Variants in AARS2 observed in about 807,000 individuals in gnomAD.
AARS2 encodes alanine--tRNA ligase, mitochondrial.
Under a neutral mutation model 119.7 loss-of-function variants are expected in AARS2, and 78 were observed. The ratio of observed to expected loss-of-function variants is 0.65; its 90% confidence interval spans 0.54 to 0.79. AARS2 has a LOEUF of 0.79. AARS2 is among the 30% of genes least tolerant of loss of function. The probability of loss-of-function intolerance (pLI) is 0.00; values close to 1 mark genes in which losing one functional copy is unlikely to be tolerated. For synonymous variants in AARS2, 502 were observed against 526.3 expected (o/e 0.95, Z 0.63); for missense variants, 1,157 against 1,291.3 (o/e 0.90, Z 1.59).
chr6:44,312,065 G>A lies in AARS2; in HGVS notation c.435+7C>T. The A allele has an allele frequency of 6.2e-7, 1 of 1,613,734 alleles. No homozygotes were observed. The highest frequency in any genetic ancestry group is 1.7e-4 in the Middle Eastern group (1 of 6,060). ...TCTTGGCTGATCACTGATCCCCAGA[G>A]ACTCACCTTAAAATATTCACCCCCA... On this transcript the variant is annotated splice_region_variant and intron_variant, in intron 2 of 21. Transcript: ENST00000244571.
At position 44,304,256 on chromosome 6, in the gene AARS2, C is replaced by A. The variant is rs1364715823; in HGVS notation, c.1932G>T (p.Gln644His). ...ATHLLNWALR[Q>H]TLGPGTEQQG... ...GCTGCTCTGTGCCAGGGCCCAGGGT[C>A]TGCCTCAGTGCCCAGTTCAGCAGGT... is the stretch of plus-strand genomic sequence containing the variant. Residue 644 changes from glutamine to histidine, a missense_variant, in exon 14 of 22, where the codon CAG (glutamine) becomes CAT (histidine). Gln to His is a conservative substitution (Grantham distance 24). Transcript: ENST00000244571. 6.2e-7 allele frequency: 1 copy of A among 1,614,078 alleles called. No homozygotes were observed. Among genetic ancestry groups the A allele is most frequent in the Non-Finnish European group, 8.5e-7 (1 of 1,180,030 alleles).
At chr6:44,309,634 C>T (rs2153356579) in intron 5 of AARS2, among the ~76,000 whole-genome samples, 1 of 152,304 alleles carries the variant, frequency 6.6e-6, no homozygotes, top group Middle Eastern at 3.4e-3. Context: ...CCAAACCTCT[C>T]TCTTCCCCAA....
At position 44,301,418 on chromosome 6, in the gene AARS2, G is replaced by A. The variant is rs1282463501; in HGVS notation, c.2645C>T (p.Pro882Leu). ...QELLERHSKG[P>L]LIVDTVSAES... ...AGCAGAGACTGTGTCCACAATCAGA[G>A]GCCCCTTCGAGTGCCGCTCCAGCAG... The change falls in exon 20 of 22, where the codon CCT (proline) becomes CTT (leucine). Residue 882 changes from proline (P) to leucine (L), a missense_variant. Coordinates refer to ENST00000244571, the MANE Select transcript of AARS2 (RefSeq NM_020745.4). The A allele has an allele frequency of 3.1e-6, 5 of 1,613,986 alleles. No individual in the cohort carries two copies. Among genetic ancestry groups the A allele is most frequent in the Non-Finnish European group, 4.2e-6 (5 of 1,180,040 alleles).
In AARS2 at chr6:44,304,598, G is replaced by C. The variant is rs772619980; in HGVS notation, c.1752+47C>G. 1.9e-6 allele frequency: 3 copies of C among 1,614,024 alleles called. No individual in the cohort carries two copies. The African/African-American group carries it at 4.0e-5, about 22-fold the overall frequency. ...CTCCCCTTGGCTCCCACTCAGGCTT[G>C]GGTCTGCCGCCCACAGAAATCAGCC... On this transcript the variant is annotated intron_variant, in intron 12 of 21. Transcript: ENST00000244571.
Position 44,304,766 on chromosome 6 carries a change from G to C in AARS2, c.1631C>G (p.Thr544Arg), listed in dbSNP as rs774895404. 2.5e-6 allele frequency: 4 copies of C among 1,614,100 alleles called. No homozygotes were observed. Among genetic ancestry groups the C allele is most frequent in the Non-Finnish European group, 3.4e-6 (4 of 1,180,036 alleles). The change falls in exon 12 of 22, where the codon ACA becomes AGA. Residue 544 changes from threonine (T) to arginine (R), a missense_variant. Coordinates refer to ENST00000244571, the MANE Select transcript of AARS2 (RefSeq NM_020745.4). The stretch of plus-strand genomic sequence containing the variant: ...GCCTTTCCCCACGGAGGCCACTGCT[G>C]TCCCGTCCTCTGTATACAGTTGCAA... The part of the protein sequence containing the change: ...QVLQLYTEDG[T>R]AVASVGKGQR...
In AARS2 at chr6:44,312,225, G is replaced by A. The variant is rs772173298; in HGVS notation, c.282C>T (p.Ser94=). 5 of 1,614,000 alleles carry A rather than the reference G, an allele frequency of 3.1e-6. No homozygotes were observed. Among genetic ancestry groups the A allele is most frequent in the South Asian group, 2.2e-5 (2 of 91,076 alleles). ...PIFLGTVDPR[S]EMAGFRRVAN... ...CCACACGTCGGAAGCCTGCCATCTC[G>A]CTTCGTGGATCCACGGTGCCCAGAA... Residue 94 remains serine, a synonymous_variant, in exon 2 of 22, where the codon AGC becomes AGT. Coordinates refer to ENST00000244571, the MANE Select transcript of AARS2 (RefSeq NM_020745.4).
intron 5 of AARS2, among the ~76,000 whole-genome samples, chr6:44,309,742 T>C (rs1437858563): frequency 6.6e-6 from 1 of 152,110 alleles, no homozygotes; most frequent in Non-Finnish European, 1.5e-5. Flanking sequence ...CCCCATCTAA[T>C]CCATCAGTAC....
Position 44,302,119 on chromosome 6 carries a change from T to A in AARS2, c.2539A>T (p.Thr847Ser). The A allele has an allele frequency of 6.2e-7, 1 of 1,613,654 alleles. No individual in the cohort carries two copies. Among genetic ancestry groups the A allele is most frequent in the Non-Finnish European group, 8.5e-7 (1 of 1,180,006 alleles). Residue 847 changes from threonine to serine, a missense_variant, in exon 19 of 22, where the codon ACA becomes TCA. Coordinates refer to ENST00000244571, the MANE Select transcript of AARS2 (RefSeq NM_020745.4). ...GCACGCCGCTGCAGCATCTTCACTG[T>A]GGCCAGCAGCTCCCGCCGCTGCCAC... ...PQWQRRELLATVKMLQRRANT... is the reference protein window; with the variant it reads ...PQWQRRELLASVKMLQRRANT...
At chr6:44,310,190 G>T in intron 5 of AARS2, 109 bp downstream of exon 5, 1 of 1,425,810 alleles carries the variant, frequency 7.0e-7, no homozygotes, top group Non-Finnish European at 9.7e-7. Flanking sequence ...GTTGGTTATT[G>T]TCCTCAGATG....
In AARS2 at chr6:44,305,332, C is replaced by T. The variant is rs1221676903; in HGVS notation, c.1435-134G>A. ...GCCCTTCTGGAATAAGAACTCAGGG[C>T]TTGGCTGGCTGCTAGAGCCCCTGAG... On this transcript the variant is annotated intron_variant, in intron 10 of 21. Coordinates refer to ENST00000244571, the MANE Select transcript of AARS2 (RefSeq NM_020745.4). The surrounding 1 kb of genome is among the most constrained non-coding windows in gnomAD (Gnocchi z 4.6). The T allele has an allele frequency of 7.1e-7, 1 of 1,405,858 alleles. No individual in the cohort carries two copies. Among genetic ancestry groups the T allele is most frequent in the Non-Finnish European group, 9.8e-7 (1 of 1,019,742 alleles). 87.1% of individuals were successfully genotyped at this position (1,405,858 alleles called of 1,614,324 possible). A position where few individuals can be genotyped will look rare whatever the true frequency, so the allele number is the denominator to read the frequency against.
Position 44,313,336 on chromosome 6 carries a change from C to T in AARS2, c.-13G>A. On this transcript the variant is annotated 5_prime_UTR_variant, in exon 1 of 22. Transcript: ENST00000244571. The stretch of plus-strand genomic sequence containing the variant: ...CTGACGCTGCCATCGTAGCTCCGGG[C>T]AGTGACTTTACGTGGTCAAAGAGTG... 1 of 1,598,498 alleles carries T rather than the reference C, an allele frequency of 6.3e-7. No individual in the cohort carries two copies. The highest frequency in any genetic ancestry group is 2.2e-5 in the East Asian group (1 of 44,790).
chr6:44,302,332 G>A, intron 18 of AARS2, 59 bp downstream of exon 18: 2 of 1,613,656 alleles, frequency 1.2e-6, no homozygotes, highest in Non-Finnish European at 8.5e-7. Context: ...AGGAGTCCAG[G>A]GAGGAATAGG....
At chr6:44,311,619 G>A in intron 2 of AARS2, 84 bp from the exon 3 acceptor site, 2 of 1,505,608 alleles carry the variant, frequency 1.3e-6, no homozygotes, top group South Asian at 2.3e-5. Flanking sequence ...CATGAGTTTA[G>A]CTCCCGACTT....
Position 44,307,436 on chromosome 6 carries a change from G to T in AARS2, c.895-42C>A. On this transcript the variant is annotated intron_variant, in intron 5 of 21. Transcript: ENST00000244571. The surrounding 1 kb of genome is among the most constrained non-coding windows in gnomAD (Gnocchi z 4.4). ...TCAGCCAGTGGCCCTGCCTGACCTG[G>T]CCCAGGTGGGTGCTCTTTATCGCCT... The T allele has an allele frequency of 6.4e-7, 1 of 1,564,720 alleles. No homozygotes were observed. The highest frequency in any genetic ancestry group is 8.6e-7 in the Non-Finnish European group (1 of 1,158,490).
Position 44,310,422 on chromosome 6 carries a change from C to A in AARS2, c.771G>T (p.Gln257His), listed in dbSNP as rs1254933472. Residue 257 changes from glutamine to histidine, a missense_variant, in exon 5 of 22, where the codon CAG (glutamine) becomes CAT (histidine). Coordinates refer to ENST00000244571, the MANE Select transcript of AARS2 (RefSeq NM_020745.4). ...QHNREADGSL[Q>H]PLPQRHVDTG... ...TGTCCACATGCCGCTGGGGCAGGGG[C>A]TGCAGGCTTCCATCTGCCTCTCTGG... 1.2e-6 allele frequency: 2 copies of A among 1,613,902 alleles called. No individual in the cohort carries two copies. Among genetic ancestry groups the A allele is most frequent in the African/African-American group, 1.3e-5 (1 of 75,054 alleles).
At chr6:44,301,572 C>T in intron 19 of AARS2, 108 bp from the exon 20 acceptor site, 2 of 1,106,720 alleles carry the variant, frequency 1.8e-6, no homozygotes, top group Middle Eastern at 2.8e-4. Flanking sequence ...CTTCCCCCAC[C>T]CACCCCAAAA....
rs751373717 is a variant in AARS2 at position 44,311,104 on chromosome 6, C to T, written c.639G>A (p.Gly213=). The change falls in exon 4 of 22, where the codon GGG becomes GGA. Residue 213 remains glycine (G), a synonymous_variant. Coordinates refer to ENST00000244571, the MANE Select transcript of AARS2 (RefSeq NM_020745.4). The stretch of plus-strand genomic sequence containing the variant: ...TACAGGGCCCACAAGGGCCAGTATC[C>T]CCCATCTCCCAGAAGTTCTCTTGTG... ...FGPQENFWEM[G]DTGPCGPCTE... 6.2e-6 allele frequency: 10 copies of T among 1,614,088 alleles called. No individual in the cohort carries two copies. Among genetic ancestry groups the T allele is most frequent in the Non-Finnish European group, 8.5e-6 (10 of 1,180,034 alleles).
chr6:44,304,397 G>C (rs758716506), intron 13 of AARS2, 23 bp downstream of exon 13: 1 of 1,614,152 alleles, frequency 6.2e-7, no homozygotes, highest in Admixed American at 1.7e-5. Context: ...AGGGTATTGG[G>C]AACAGTTAGG....
intron 14 of AARS2, 133 bp from the exon 15 acceptor site, chr6:44,303,556 G>T: frequency 7.3e-7 from 1 of 1,371,418 alleles, no homozygotes; most frequent in Non-Finnish European, 1.0e-6. Context: ...CATAATAGGT[G>T]CTCAATAAAC....
Sources: allele counts gnomAD v4.1 joint callset (sites outside exome capture counted in the v4.1 genomes callset), GRCh38; gene constraint gnomAD v4.1.1; non-coding constraint Gnocchi (gnomAD v3.1); transcripts MANE v1.5; gene names NCBI Gene and HGNC (gene_info 2026-07-23, HGNC 2026-07-21).